MAN1C1: variants seen among roughly 807,000 people sequenced by gnomAD.
MAN1C1 encodes the protein mannosyl-oligosaccharide 1,2-alpha-mannosidase IC.
A neutral mutation model predicts 71.5 loss-of-function variants in MAN1C1; 49 were observed. The ratio of observed to expected loss-of-function variants is 0.69; its 90% CI spans 0.54 to 0.87. The LOEUF (loss-of-function observed/expected upper bound fraction) is 0.87. Among genes scored for constraint, MAN1C1 ranks in the 40% least tolerant of loss-of-function variants. The pLI, the probability that MAN1C1 is intolerant of heterozygous loss-of-function variation, is 0.00. For missense variants in MAN1C1, 743 were observed against 835.0 expected, an observed-to-expected ratio of 0.89 and a Z score of 1.36; for synonymous variants, 352 against 343.7, an observed-to-expected ratio of 1.02 and a Z score of -0.27.
chr1:25,778,537 T>C lies in MAN1C1; in HGVS notation c.1477+213T>C, dbSNP rs574347778. Among the ~76,000 whole-genome samples the C allele has an allele frequency of 2.6e-5, 4 of 152,314 alleles. No individual in the cohort carries two copies. The East Asian group carries it at 5.8e-4, about 22-fold the overall frequency. On this transcript the variant is annotated intron_variant, in intron 9 of 11. Transcript: ENST00000374332. This position sits in a 1 kb window ranked among gnomAD's most constrained non-coding sequence, Gnocchi z 5.5. ...GTACAGACACAGGAAGCGCTTTGCA[T>C]GTACCTGGTACTCTTCCGCACTTGA...
intron 7 of MAN1C1, among the ~76,000 whole-genome samples, chr1:25,771,145 A>G (rs552063147): frequency 6.6e-6 from 1 of 152,218 alleles, no homozygotes; most frequent in African/African-American, 2.4e-5. Flanking sequence ...TTTGAACTCC[A>G]TTTATCTCAA....
chr1:25,655,632 C>T (rs1024268366), intron 1 of MAN1C1, among the ~76,000 whole-genome samples: 1 of 152,056 alleles, frequency 6.6e-6, no homozygotes, highest in African/African-American at 2.4e-5. Context: ...ACTCTTCCTC[C>T]GACATCCTCT....
chr1:25,624,024 C>G (rs1442051498), intron 1 of MAN1C1, among the ~76,000 whole-genome samples: 2 of 152,220 alleles, frequency 1.3e-5, no homozygotes, highest in African/African-American at 2.4e-5. Context: ...AAACAATAAG[C>G]CCTGGTTCTT....
chr1:25,643,946 T>C (rs2045574482), intron 1 of MAN1C1, among the ~76,000 whole-genome samples: 1 of 152,154 alleles, frequency 6.6e-6, no homozygotes, highest in African/African-American at 2.4e-5. Flanking sequence ...CTTCATGAAA[T>C]AATGTAGTTG....
chr1:25,749,692 A>G (rs959469740), intron 4 of MAN1C1, among the ~76,000 whole-genome samples: 3 of 152,076 alleles, frequency 2.0e-5, no homozygotes, highest in African/African-American at 7.2e-5. Flanking sequence ...AGGTGCTTGT[A>G]TGTTCTCTGA....
chr1:25,651,052 G>C (rs1295774244), intron 1 of MAN1C1, among the ~76,000 whole-genome samples: 1 of 152,186 alleles, frequency 6.6e-6, no homozygotes, highest in African/African-American at 2.4e-5. Context: ...TGAGTAAGTG[G>C]AAGCTTGGTA....
At chr1:25,665,889 G>C (rs946264386) in intron 1 of MAN1C1, among the ~76,000 whole-genome samples, 5 of 124,628 alleles carry the variant, frequency 4.0e-5, no homozygotes, top group South Asian at 2.5e-4. Context: ...CAGGAAAGCA[G>C]CTGCTCCAGC....
chr1:25,749,312 G>A lies in MAN1C1; in HGVS notation c.811G>A (p.Ala271Thr), dbSNP rs996537691. 17 of 1,611,986 alleles carry A rather than the reference G, an allele frequency of 1.1e-5. No homozygotes were observed. The highest frequency in any genetic ancestry group is 1.4e-5 in the Non-Finnish European group (17 of 1,179,050). The change falls in exon 4 of 12, where the codon GCC becomes ACC. Residue 271 changes from alanine to threonine, a missense_variant. By Grantham distance (58) the Ala-to-Thr change is moderately conservative. Coordinates refer to ENST00000374332, the MANE Select transcript of MAN1C1 (RefSeq NM_020379.4). ...NIRYIGGLLS[A>T]FYLTGEEVFR... is the part of the protein sequence containing the mutation. ...CCGCTACATCGGGGGACTCCTCTCA[G>A]CCTTCTACCTGACAGGAGAAGAGGT...
At chr1:25,692,066 C>T (rs910609561) in intron 2 of MAN1C1, among the ~76,000 whole-genome samples, 3 of 152,176 alleles carry the variant, frequency 2.0e-5, no homozygotes, top group African/African-American at 7.2e-5. Context: ...GTTGAGGAAA[C>T]CAAGGCTCAG....
chr1:25,740,782 G>T (rs373957877), intron 2 of MAN1C1, among the ~76,000 whole-genome samples: 62 of 152,170 alleles, frequency 4.1e-4, no homozygotes, highest in Admixed American at 2.2e-3. Flanking sequence ...GCTGAGGACA[G>T]ATGGGTGGAT....
At chr1:25,717,573 T>A (rs1275278345) in intron 2 of MAN1C1, among the ~76,000 whole-genome samples, 4 of 149,746 alleles carry the variant, frequency 2.7e-5, no homozygotes, top group African/African-American at 9.9e-5. Flanking sequence ...TGTACCATTT[T>A]CCTTTTTTTT....
chr1:25,769,067 C>T lies in MAN1C1; in HGVS notation c.1142-2590C>T, dbSNP rs2047507170. Among the ~76,000 whole-genome samples the T allele has an allele frequency of 1.4e-5, 2 of 147,150 alleles. No individual in the cohort carries two copies. The highest frequency in any genetic ancestry group is 1.4e-4 in the Admixed American group (2 of 14,756). On this transcript the variant is annotated intron_variant, in intron 7 of 11. Transcript: ENST00000374332. The surrounding 1 kb of genome is among the most constrained non-coding windows in gnomAD (Gnocchi z 4.8). ...ACTCCCACACACACTACACACCACC[C>T]ACACTCCCACACACACACCTATCAC...
rs780005634 is a variant in MAN1C1, at chr1:25,651,653, G to A, written c.540+33316G>A. 3.3e-5 allele frequency among the ~76,000 whole-genome samples: 5 copies of A among 152,218 alleles called. No individual in the cohort carries two copies. In the East Asian group the frequency reaches 9.6e-4, roughly 29 times the overall value. On this transcript the variant is annotated intron_variant, in intron 1 of 11. Coordinates refer to ENST00000374332, the MANE Select transcript of MAN1C1 (RefSeq NM_020379.4). ...TCCTCTGCCCTTGCACGGAGCAGGA[G>A]CTCAGAATTAACATGCTTATTCTGT...
chr1:25,727,377 C>G (rs1384629210), intron 2 of MAN1C1, among the ~76,000 whole-genome samples: 2 of 152,154 alleles, frequency 1.3e-5, no homozygotes, highest in Non-Finnish European at 1.5e-5. Flanking sequence ...CTCACGGGTC[C>G]CCAGTGAGAG....
chr1:25,763,667 C>G, intron 6 of MAN1C1: 1 of 571,444 alleles, frequency 1.7e-6, no homozygotes, highest in Non-Finnish European at 3.2e-6. Context: ...GGATCAGGCC[C>G]TGTCACACCC....
chr1:25,750,476 A>G (rs183696267), intron 4 of MAN1C1, among the ~76,000 whole-genome samples: 162 of 152,072 alleles, frequency 1.1e-3, no homozygotes, highest in African/African-American at 3.8e-3. Context: ...CCAAGGAGCC[A>G]TGGAGGTGAG....
At chr1:25,772,579 G>A (rs2047568153) in intron 8 of MAN1C1, among the ~76,000 whole-genome samples, 1 of 127,248 alleles carries the variant, frequency 7.9e-6, no homozygotes, top group African/African-American at 3.0e-5. Context: ...TGAGCAAGTC[G>A]GATCTACTCT....
chr1:25,763,432 T>C (rs1249238789), intron 6 of MAN1C1, among the ~76,000 whole-genome samples: 6 of 133,356 alleles, frequency 4.5e-5, no homozygotes, highest in Admixed American at 9.6e-5. Flanking sequence ...GAGGTTGCAG[T>C]GAGCCAAGAT....
At chr1:25,714,627 TA>T (rs1327466118) in intron 2 of MAN1C1, among the ~76,000 whole-genome samples, 2 of 152,218 alleles carry the variant, frequency 1.3e-5, no homozygotes, top group African/African-American at 4.8e-5. Flanking sequence ...CAAAAGAAGA[TA>T]AATGTCCACT....
Sources: gnomAD v4.1 joint callset for allele counts (sites outside exome capture counted in the v4.1 genomes callset) on GRCh38, gnomAD v4.1.1 for gene constraint, Gnocchi (gnomAD v3.1) non-coding constraint, MANE v1.5 for transcripts, NCBI Gene and HGNC (gene_info 2026-07-23, HGNC 2026-07-21) for gene names.